The following CADM2 variants were observed in gnomAD, a reference collection of about 807,000 sequenced individuals.
The protein encoded by CADM2 is cell adhesion molecule 2, also known as immunoglobulin superfamily member 4D.
Under a neutral mutation model 49.8 loss-of-function variants are expected in CADM2, and 12 were observed. The observed-to-expected ratio is 0.24, with a 90% CI of 0.15 to 0.39. CADM2 has a LOEUF of 0.39. Ranked by LOEUF, CADM2 falls within the 10% of genes least tolerant of loss-of-function variation. CADM2 has a pLI of 1.00. For missense variants in CADM2, 378 were observed against 492.3 expected (o/e 0.77, Z 2.20); for synonymous variants, 214 against 175.4 (o/e 1.22, Z -1.74).
intron 1 of CADM2, among the ~76,000 whole-genome samples, chr3:85,360,224 T>C (rs1286311318): frequency 6.6e-6 from 1 of 152,120 alleles, no homozygotes; most frequent in East Asian, 1.9e-4. Context: ...CATAAAAAGC[T>C]TATATGTATT....
intron 8 of CADM2, among the ~76,000 whole-genome samples, chr3:85,999,194 C>A (rs2108733862): frequency 6.6e-6 from 1 of 151,484 alleles, no homozygotes; most frequent in Middle Eastern, 3.5e-3. Flanking sequence ...AGTGTGATAA[C>A]CTGAAAAGTA....
intron 1 of CADM2, among the ~76,000 whole-genome samples, chr3:85,555,297 G>A (rs114605203): frequency 0.012 from 1,763 of 152,196 alleles, 39 homozygotes; most frequent in African/African-American, 0.04. Flanking sequence ...AATAATCAAT[G>A]TTGCTTCTGT....
chr3:85,444,715 T>C (rs937390511), intron 1 of CADM2, among the ~76,000 whole-genome samples: 2 of 152,236 alleles, frequency 1.3e-5, no homozygotes, highest in African/African-American at 4.8e-5. Flanking sequence ...TTCTATATTA[T>C]ATGACTCTGA....
At chr3:85,256,976 T>C (rs1466081891) in intron 1 of CADM2, among the ~76,000 whole-genome samples, 1 of 152,172 alleles carries the variant, frequency 6.6e-6, no homozygotes, top group Non-Finnish European at 1.5e-5. Context: ...TTTCATCATA[T>C]GCTAGGCATT....
chr3:84,961,665 G>A (rs1042487225), intron 1 of CADM2, among the ~76,000 whole-genome samples: 8 of 152,098 alleles, frequency 5.3e-5, no homozygotes, highest in Admixed American at 5.2e-4. Flanking sequence ...CGTGTGCCGT[G>A]TTGGGGGAGT....
intron 1 of CADM2, among the ~76,000 whole-genome samples, chr3:85,165,517 CTTAAGGGT>C (rs2107675265): frequency 6.6e-6 from 1 of 151,838 alleles, no homozygotes; most frequent in South Asian, 2.1e-4. Flanking sequence ...GTAATATGTG[CTTAAGGGT>C]TTACATTTTT....
At chr3:85,358,306 T>G (rs921845908) in intron 1 of CADM2, among the ~76,000 whole-genome samples, 1 of 152,104 alleles carries the variant, frequency 6.6e-6, no homozygotes, top group Non-Finnish European at 1.5e-5. Context: ...TGAGCATTGC[T>G]TTCTAGAATT....
At chr3:85,068,841 G>T (rs1250151980) in intron 1 of CADM2, among the ~76,000 whole-genome samples, 2 of 151,410 alleles carry the variant, frequency 1.3e-5, no homozygotes, top group Non-Finnish European at 2.9e-5. Context: ...TTCATATGGA[G>T]ATACTAACTT....
At chr3:85,883,486 T>C in intron 4 of CADM2, 43 bp downstream of exon 4, 1 of 1,500,148 alleles carries the variant, frequency 6.7e-7, no homozygotes, top group Non-Finnish European at 9.1e-7. Context: ...AAAACCAGAA[T>C]GATATATATT....
intron 1 of CADM2, among the ~76,000 whole-genome samples, chr3:85,047,090 C>A (rs2035698812): frequency 6.6e-6 from 1 of 152,110 alleles, no homozygotes; most frequent in Admixed American, 6.6e-5. Flanking sequence ...AAAGATTTTG[C>A]AAGATATTCC....
intron 1 of CADM2, among the ~76,000 whole-genome samples, chr3:85,530,904 ACAC>A (rs2061293510): frequency 1.3e-5 from 2 of 148,872 alleles, no homozygotes; most frequent in African/African-American, 5.1e-5. Flanking sequence ...ACACACACAC[ACAC>A]ACACACAAAA....
intron 1 of CADM2, among the ~76,000 whole-genome samples, chr3:85,539,002 TA>T (rs377429908): frequency 2.8e-4 from 43 of 152,234 alleles, no homozygotes; most frequent in African/African-American, 9.6e-4. Flanking sequence ...AATACAACAC[TA>T]AGATTATCAG....
rs1483980820 is a variant in CADM2, at chr3:85,359,658, A to T, written c.62-366864A>T. ...TCAGCATATATATATATATATATAT[A>T]TATATATATTTTTTTTTTTGGTGGA... On this transcript the variant is annotated intron_variant, in intron 1 of 9. Transcript: ENST00000383699. Among the ~76,000 whole-genome samples the T allele has an allele frequency of 2.9e-3, 51 of 17,454 alleles. 1 individual carries two copies. The highest frequency in any genetic ancestry group is 6.5e-3 in the Non-Finnish European group (35 of 5,376). The allele number at this position is 17,454 out of a possible 152,430, so 11.5% of individuals were successfully genotyped here.
intron 1 of CADM2, among the ~76,000 whole-genome samples, chr3:85,084,044 C>T (rs1297336775): frequency 6.6e-6 from 1 of 152,098 alleles, no homozygotes; most frequent in African/African-American, 2.4e-5. Flanking sequence ...TCAACTCTTG[C>T]GTTGTCAGTT....
At chr3:85,296,177 G>A (rs887366489) in intron 1 of CADM2, among the ~76,000 whole-genome samples, 1 of 151,964 alleles carries the variant, frequency 6.6e-6, no homozygotes, top group Non-Finnish European at 1.5e-5. Flanking sequence ...GTATGCAGCA[G>A]TAACATTTGT....
Position 86,070,046 on chromosome 3 carries a change from A to G in CADM2, c.*3263A>G, listed in dbSNP as rs902051262. 3.9e-5 allele frequency: 6 copies of G among 151,988 alleles called. No homozygotes were observed. The highest frequency in any genetic ancestry group is 1.4e-4 in the African/African-American group (6 of 41,452). 9.4% of individuals were successfully genotyped at this position (151,988 alleles called of 1,614,324 possible). On this transcript the variant is annotated 3_prime_UTR_variant, in exon 10 of 10. Coordinates refer to ENST00000383699, the MANE Select transcript of CADM2 (RefSeq NM_001167675.2). ...ATTTCAACTTGTTTTCTTTTACCAG[A>G]GAATCCAAGAAGCAGTTTAAGGAAC...
chr3:86,004,205 A>G (rs545850437), intron 8 of CADM2, among the ~76,000 whole-genome samples: 2 of 152,306 alleles, frequency 1.3e-5, no homozygotes, highest in South Asian at 4.2e-4. Context: ...TTAATGCCAA[A>G]GTAAATAACA....
chr3:85,172,313 C>T (rs1374206970), intron 1 of CADM2, among the ~76,000 whole-genome samples: 1 of 152,122 alleles, frequency 6.6e-6, no homozygotes, highest in African/African-American at 2.4e-5. Context: ...GAGTTCAATT[C>T]AATACATATT....
chr3:86,053,064 T>G (rs1253553075), intron 8 of CADM2, among the ~76,000 whole-genome samples: 2 of 152,160 alleles, frequency 1.3e-5, no homozygotes, highest in East Asian at 3.9e-4. Context: ...TGAAGTTTTA[T>G]ACCAGTATTT....
Sources: gnomAD v4.1 joint callset for allele counts (sites outside exome capture counted in the v4.1 genomes callset) on GRCh38, gnomAD v4.1.1 for gene constraint, MANE v1.5 for transcripts, NCBI Gene and HGNC (gene_info 2026-07-23, HGNC 2026-07-21) for gene names.